UBALD1: variants seen among roughly 807,000 people sequenced by gnomAD.
UBALD1 encodes the protein UBA like domain containing 1.
Under a neutral mutation model 16.1 loss-of-function variants are expected in UBALD1, and 5 were observed. That is an observed-to-expected ratio of 0.31 (90% confidence interval 0.16 to 0.66). UBALD1 has a LOEUF of 0.66. Ranked by LOEUF, UBALD1 falls within the 30% of genes least tolerant of loss-of-function variation. UBALD1 has a pLI of 0.77. For missense variants in UBALD1, 220 were observed against 252.8 expected, an observed-to-expected ratio of 0.87 and a Z score of 0.88; for synonymous variants, 146 against 105.3, an observed-to-expected ratio of 1.39 and a Z score of -2.37.
At position 4,609,353 on chromosome 16, in the gene UBALD1, T is replaced by C; in HGVS notation, c.*280A>G. On this transcript the variant is annotated 3_prime_UTR_variant, in exon 3 of 3. Coordinates refer to ENST00000283474, the MANE Select transcript of UBALD1 (RefSeq NM_145253.3). ...TGGGCTGGGCTGGGCAGGTGCGTCT[T>C]CGAAGGAAGGCTGCGTGGTCTCTGA... is the stretch of plus-strand genomic sequence containing the variant. 3.0e-6 allele frequency: 1 copy of C among 333,794 alleles called. No individual in the cohort carries two copies. The highest frequency in any genetic ancestry group is 4.6e-5 in the East Asian group (1 of 21,626). 20.7% of individuals were successfully genotyped at this position (333,794 alleles called of 1,614,324 possible). A position where few individuals can be genotyped will look rare whatever the true frequency, so the allele number is the denominator to read the frequency against.
chr16:4,614,528 G>C lies in UBALD1; in HGVS notation c.120+150C>G, dbSNP rs1462146449. The C allele has an allele frequency of 5.5e-6, 7 of 1,271,762 alleles. No homozygotes were observed. In the South Asian group the frequency reaches 1.1e-4, roughly 20 times the overall value. 78.8% of individuals were successfully genotyped at this position (1,271,762 alleles called of 1,614,324 possible). ...CGCGAGCCCTTGGGATCCGGACGCCGGGCACCGCCGTCGGGAAAGCGGGTC... is the reference window on the plus strand; with the variant it reads ...CGCGAGCCCTTGGGATCCGGACGCCCGGCACCGCCGTCGGGAAAGCGGGTC... On this transcript the variant is annotated intron_variant, in intron 1 of 2. Transcript: ENST00000283474.
At chr16:4,614,388 G>C (rs997975966) in intron 1 of UBALD1, 3 of 373,688 alleles carry the variant, frequency 8.0e-6, no homozygotes, top group Non-Finnish European at 9.2e-6. Context: ...CCCGGCCCTC[G>C]GCCGTTACCC....
intron 1 of UBALD1, among the ~76,000 whole-genome samples, chr16:4,611,874 G>A (rs1567147556): frequency 6.6e-6 from 1 of 152,034 alleles, no homozygotes; most frequent in East Asian, 1.9e-4. Context: ...GGGTTCTCGG[G>A]GCCCTGCCAA....
intron 1 of UBALD1, chr16:4,614,044 T>A (rs923321649): frequency 1.3e-5 from 2 of 154,626 alleles, no homozygotes; most frequent in Non-Finnish European, 2.9e-5. Flanking sequence ...TGTACACACA[T>A]CACACCGTGC....
At chr16:4,610,182 C>G (rs1392812842) in intron 2 of UBALD1, 199 bp from the exon 3 acceptor site, 2 of 715,904 alleles carry the variant, frequency 2.8e-6, no homozygotes, top group Non-Finnish European at 5.0e-6. Context: ...CTCTCAGGAG[C>G]CCACGGTGCC....
At chr16:4,610,228 A>G in intron 2 of UBALD1, 1 of 711,154 alleles carries the variant, frequency 1.4e-6, no homozygotes. Flanking sequence ...ACCCCTTTCC[A>G]TCAGCCACAG....
intron 2 of UBALD1, 146 bp downstream of exon 2, chr16:4,610,347 C>A: frequency 1.2e-6 from 1 of 830,906 alleles, no homozygotes; most frequent in Non-Finnish European, 1.9e-6. Flanking sequence ...CCCACGGAGC[C>A]GGGACTCCTG....
rs372082644 is a variant in UBALD1 at position 4,610,885 on chromosome 16, C to T, written c.121-330G>A. 848 of 429,302 alleles carry T rather than the reference C, an allele frequency of 2.0e-3. 9 individuals carry two copies. Among genetic ancestry groups the T allele is most frequent in the African/African-American group, 0.016 (778 of 49,312 alleles). 26.6% of individuals were successfully genotyped at this position (429,302 alleles called of 1,614,324 possible). On this transcript the variant is annotated intron_variant, in intron 1 of 2. Coordinates refer to ENST00000283474, the MANE Select transcript of UBALD1 (RefSeq NM_145253.3). Reference sequence around the variant, plus strand: ...TGACTGGGGGAGGGCGGGCAGTACACCCCATCCTGGGGGAAAGGCGCCCGG... The same window carrying T: ...TGACTGGGGGAGGGCGGGCAGTACATCCCATCCTGGGGGAAAGGCGCCCGG...
At chr16:4,612,690 T>C (rs867368813) in intron 1 of UBALD1, among the ~76,000 whole-genome samples, 3 of 152,106 alleles carry the variant, frequency 2.0e-5, no homozygotes, top group Non-Finnish European at 2.9e-5. Context: ...GCAGCAAATG[T>C]GACCCAGAAA....
At position 4,614,633 on chromosome 16, in the gene UBALD1, C is replaced by T. The variant is rs753852788; in HGVS notation, c.120+45G>A. On this transcript the variant is annotated intron_variant, in intron 1 of 2. Transcript: ENST00000283474. ...CCGCCCGGCGGCCACGCGGGACACACTCCGCCCGTGGCCCCGGCCCTCGCC... is the reference window on the plus strand; with the variant it reads ...CCGCCCGGCGGCCACGCGGGACACATTCCGCCCGTGGCCCCGGCCCTCGCC... 1.2e-5 allele frequency: 17 copies of T among 1,416,218 alleles called. No individual in the cohort carries two copies. In the Admixed American group the frequency reaches 3.6e-4, roughly 30 times the overall value. 87.7% of individuals were successfully genotyped at this position (1,416,218 alleles called of 1,614,324 possible). A position where few individuals can be genotyped will look rare whatever the true frequency, so the allele number is the denominator to read the frequency against.
chr16:4,609,691 G>C lies in UBALD1; in HGVS notation c.476C>G (p.Ala159Gly), dbSNP rs772675555. ...PSPASDWPPL[A>G]PQQATSEPRA... ...GGGTTCTGAGGTGGCCTGTTGGGGG[G>C]CCAGGGGTGGCCAGTCTGAAGCCGG... Residue 159 changes from alanine to glycine, a missense_variant, in exon 3 of 3, where the codon GCC becomes GGC. Coordinates refer to ENST00000283474, the MANE Select transcript of UBALD1 (RefSeq NM_145253.3). 4.1e-6 allele frequency: 6 copies of C among 1,478,736 alleles called. No homozygotes were observed. Among genetic ancestry groups the C allele is most frequent in the Admixed American group, 2.5e-5 (1 of 40,050 alleles). The allele number at this position is 1,478,736 out of a possible 1,614,324, so 91.6% of individuals were successfully genotyped here.
Position 4,614,762 on chromosome 16 carries a change from G to T in UBALD1, c.36C>A (p.Val12=). 6.4e-7 allele frequency: 1 copy of T among 1,560,344 alleles called. No individual in the cohort carries two copies. Among genetic ancestry groups the T allele is most frequent in the East Asian group, 2.6e-5 (1 of 38,430 alleles). The change falls in exon 1 of 3, where the codon GTC becomes GTA. Residue 12 remains valine (V), a synonymous_variant. Coordinates refer to ENST00000283474, the MANE Select transcript of UBALD1 (RefSeq NM_145253.3). ...SVNMDELKHQ[V]MINQFVLTAG... ...CCGTCAGCACGAACTGGTTGATCAT[G>T]ACCTGGTGCTTGAGCTCGTCCATGT... is the stretch of plus-strand genomic sequence containing the variant.
chr16:4,610,391 G>T, intron 2 of UBALD1, 102 bp downstream of exon 2: 1 of 1,313,018 alleles, frequency 7.6e-7, no homozygotes, highest in Non-Finnish European at 1.0e-6. Flanking sequence ...AGCCCCGCCT[G>T]CACCAGCGCC....
chr16:4,610,333 A>G (rs909078125), intron 2 of UBALD1, 160 bp downstream of exon 2: 2 of 766,224 alleles, frequency 2.6e-6, no homozygotes, highest in South Asian at 1.7e-5. Flanking sequence ...GATTAAGTGC[A>G]GGACCCACGG....
Position 4,610,033 on chromosome 16 carries a change from G to T in UBALD1, c.184-50C>A, listed in dbSNP as rs148599659. 5.6e-4 allele frequency: 764 copies of T among 1,367,802 alleles called. 5 individuals are homozygous for T. The African/African-American group carries it at 9.4e-3, about 17-fold the overall frequency. The allele number at this position is 1,367,802 out of a possible 1,614,324, so 84.7% of individuals were successfully genotyped here. On this transcript the variant is annotated intron_variant, in intron 2 of 2. Coordinates refer to ENST00000283474, the MANE Select transcript of UBALD1 (RefSeq NM_145253.3). Reference sequence around the variant, plus strand: ...GGGGTGAGCACCCCTTCCTGGAGGGGCCCCCACTGCCTCCCAAGGGGAGAT... The same window carrying T: ...GGGGTGAGCACCCCTTCCTGGAGGGTCCCCCACTGCCTCCCAAGGGGAGAT...
intron 2 of UBALD1, 27 bp downstream of exon 2, chr16:4,610,466 A>C (rs1226738707): frequency 6.3e-7 from 1 of 1,586,478 alleles, no homozygotes; most frequent in African/African-American, 1.3e-5. Flanking sequence ...CGCCCAATCC[A>C]GAACTGGGGA....
At chr16:4,614,644 G>A in intron 1 of UBALD1, 34 bp downstream of exon 1, 2 of 1,450,296 alleles carry the variant, frequency 1.4e-6, no homozygotes, top group Non-Finnish European at 1.8e-6. Context: ...TCCGCCCGTG[G>A]CCCCGGCCCT....
chr16:4,612,842 G>A (rs573364985), intron 1 of UBALD1, among the ~76,000 whole-genome samples: 1 of 152,086 alleles, frequency 6.6e-6, no homozygotes, highest in Non-Finnish European at 1.5e-5. Context: ...TTTACAGATG[G>A]CACAACTGAG....
At chr16:4,612,410 G>C (rs1775023765) in intron 1 of UBALD1, among the ~76,000 whole-genome samples, 2 of 152,060 alleles carry the variant, frequency 1.3e-5, no homozygotes, top group African/African-American at 4.8e-5. Context: ...TCCTGCAGGA[G>C]ACACCCTATC....
Sources: gnomAD v4.1 joint callset for allele counts (sites outside exome capture counted in the v4.1 genomes callset) on GRCh38, gnomAD v4.1.1 for gene constraint, MANE v1.5 for transcripts, NCBI Gene and HGNC (gene_info 2026-07-23, HGNC 2026-07-21) for gene names.